The following NRXN3 variants were observed in gnomAD, a reference collection of about 807,000 sequenced individuals.
NRXN3 encodes neurexin 3, also known as neurexin III.
Under a neutral mutation model 137.6 loss-of-function variants are expected in NRXN3, and 32 were observed. The observed-to-expected ratio is 0.23, with a 90% CI of 0.18 to 0.31. NRXN3 has a LOEUF of 0.31. NRXN3 is among the 10% of genes least tolerant of loss of function. The pLI is 1.00. For synonymous variants in NRXN3, 798 were observed against 784.5 expected (o/e 1.02, Z -0.29); for missense variants, 1,574 against 2,062.5 (o/e 0.76, Z 4.59).
intron 16 of NRXN3, among the ~76,000 whole-genome samples, chr14:79,533,852 G>T (rs868565497): frequency 6.6e-6 from 1 of 152,176 alleles, no homozygotes; most frequent in Non-Finnish European, 1.5e-5. Context: ...TCCATTCTCA[G>T]TAACCAGAGC....
chr14:79,499,717 T>C (rs111434539), intron 16 of NRXN3, among the ~76,000 whole-genome samples: 1,661 of 152,260 alleles, frequency 0.011, 31 homozygotes, highest in African/African-American at 0.038. Context: ...TTAGAGATGA[T>C]AACCGGTGCA....
intron 4 of NRXN3, among the ~76,000 whole-genome samples, chr14:78,446,587 A>G (rs184237696): frequency 2.6e-5 from 4 of 152,336 alleles, no homozygotes; most frequent in African/African-American, 9.6e-5. Context: ...TGTTGTTGCT[A>G]CTGTGTTCAC....
chr14:79,536,632 C>G (rs2097213767), intron 16 of NRXN3, among the ~76,000 whole-genome samples: 1 of 151,954 alleles, frequency 6.6e-6, no homozygotes, highest in Non-Finnish European at 1.5e-5. Flanking sequence ...CCAGCAGGCC[C>G]CAGTGAGTTT....
chr14:79,293,254 C>T (rs905958704), intron 15 of NRXN3, among the ~76,000 whole-genome samples: 7 of 152,152 alleles, frequency 4.6e-5, no homozygotes, highest in African/African-American at 1.4e-4. Context: ...GAAATAGATC[C>T]ACAACCTCAT....
chr14:79,177,041 T>C (rs961520471), intron 15 of NRXN3, among the ~76,000 whole-genome samples: 15 of 152,284 alleles, frequency 9.9e-5, no homozygotes, highest in Middle Eastern at 3.4e-3. Flanking sequence ...TTGAAATAGC[T>C]CTAGAGAAAA....
At chr14:78,279,876 ACTTAAGTAGGGTT>A (rs1319098678) in intron 3 of NRXN3, among the ~76,000 whole-genome samples, 11 of 152,192 alleles carry the variant, frequency 7.2e-5, no homozygotes, top group Non-Finnish European at 1.5e-4. Context: ...AATCAACCAG[ACTTAAGTAGGGTT>A]CTTCTGATCA....
intron 16 of NRXN3, among the ~76,000 whole-genome samples, chr14:79,476,202 G>A (rs1018052467): frequency 6.6e-6 from 1 of 152,084 alleles, no homozygotes; most frequent in Non-Finnish European, 1.5e-5. Flanking sequence ...ATTGATGGGG[G>A]AATTCATTAG....
At chr14:79,268,229 T>A in intron 15 of NRXN3, among the ~76,000 whole-genome samples, 1 of 152,226 alleles carries the variant, frequency 6.6e-6, no homozygotes, top group East Asian at 1.9e-4. Context: ...TATTTTGAGG[T>A]TATGTTATTA....
intron 16 of NRXN3, among the ~76,000 whole-genome samples, chr14:79,543,157 CA>C (rs2097289552): frequency 6.6e-6 from 1 of 152,186 alleles, no homozygotes; most frequent in African/African-American, 2.4e-5. Context: ...ATATCTATCA[CA>C]AACACATGCC....
intron 19 of NRXN3, among the ~76,000 whole-genome samples, chr14:79,747,191 C>A (rs374857278): frequency 1.2e-4 from 19 of 152,082 alleles, no homozygotes; most frequent in African/African-American, 4.3e-4. Context: ...TATAAAGTTT[C>A]TGCAAAACTA....
At chr14:78,528,840 A>G (rs2096418426) in intron 4 of NRXN3, among the ~76,000 whole-genome samples, 1 of 152,152 alleles carries the variant, frequency 6.6e-6, no homozygotes, top group East Asian at 1.9e-4. Context: ...TAAATGTTGC[A>G]TTAAAAATTC....
At chr14:78,418,428 G>A (rs1472862620) in intron 4 of NRXN3, among the ~76,000 whole-genome samples, 2 of 152,114 alleles carry the variant, frequency 1.3e-5, no homozygotes, top group Admixed American at 1.3e-4. Context: ...GAGGTGGTAG[G>A]AGAAGGGAGA....
At chr14:78,289,389 G>A (rs1416171721) in intron 3 of NRXN3, among the ~76,000 whole-genome samples, 1 of 152,122 alleles carries the variant, frequency 6.6e-6, no homozygotes, top group Non-Finnish European at 1.5e-5. Flanking sequence ...CCTATCAGCA[G>A]TTTAATACAG....
chr14:79,690,224 G>GTTTACACA (rs1194232372), intron 17 of NRXN3, among the ~76,000 whole-genome samples: 11 of 152,192 alleles, frequency 7.2e-5, no homozygotes, highest in African/African-American at 2.2e-4. Flanking sequence ...AAAGGTACAC[G>GTTTACACA]TTCTTTTTCT....
chr14:78,485,880 G>C (rs997322002), intron 4 of NRXN3, among the ~76,000 whole-genome samples: 1 of 152,184 alleles, frequency 6.6e-6, no homozygotes, highest in African/African-American at 2.4e-5. Flanking sequence ...ATTCAGAAAT[G>C]TTATTAATTC....
chr14:79,807,381 A>G lies in NRXN3; in HGVS notation c.4093+2191A>G, dbSNP rs116467985. On this transcript the variant is annotated intron_variant, in intron 20 of 20. Coordinates refer to ENST00000335750, the MANE Select transcript of NRXN3 (RefSeq NM_001330195.2). ...TCCTCAACTACTCACCCTGCCTCAG[A>G]AAGTCATCTCCACAGCAACATTCAT... Among the ~76,000 whole-genome samples the G allele has an allele frequency of 4.8e-3, 726 of 152,282 alleles. 5 individuals are homozygous for G. The highest frequency in any genetic ancestry group is 0.016 in the African/African-American group (676 of 41,554).
intron 4 of NRXN3, among the ~76,000 whole-genome samples, chr14:78,565,223 G>C (rs1002997660): frequency 2.6e-5 from 4 of 152,146 alleles, no homozygotes; most frequent in African/African-American, 9.7e-5. Flanking sequence ...CTGCCTTTTG[G>C]TGCCAATCTA....
chr14:78,273,544 C>T (rs1319791583), intron 2 of NRXN3, among the ~76,000 whole-genome samples: 1 of 152,154 alleles, frequency 6.6e-6, no homozygotes, highest in Non-Finnish European at 1.5e-5. Flanking sequence ...TGCTGCCTCC[C>T]CATTTCTGAG....
intron 4 of NRXN3, among the ~76,000 whole-genome samples, chr14:78,449,005 C>T (rs571964938): frequency 1.3e-5 from 2 of 152,252 alleles, no homozygotes; most frequent in East Asian, 1.9e-4. Flanking sequence ...ACCCTGGGCG[C>T]GGAGAGAGTG....
Sources: gnomAD v4.1 joint callset for allele counts (sites outside exome capture counted in the v4.1 genomes callset) on GRCh38, gnomAD v4.1.1 for gene constraint, MANE v1.5 for transcripts, NCBI Gene and HGNC (gene_info 2026-07-23, HGNC 2026-07-21) for gene names.